The following TENT4B variants were observed in gnomAD, a reference collection of about 807,000 sequenced individuals.
TENT4B encodes PAP associated domain containing 5.
In TENT4B, 10 loss-of-function variants were observed where a neutral mutation model predicts 75.0. The observed-to-expected ratio is 0.13, with a 90% CI of 0.08 to 0.23. The LOEUF (loss-of-function observed/expected upper bound fraction) is 0.23, where lower values mean the gene tolerates loss of function less well. TENT4B is among the 10% of genes least tolerant of loss of function. TENT4B has a pLI of 1.00. For missense variants in TENT4B, 579 were observed against 893.8 expected, an observed-to-expected ratio of 0.65 and a Z score of 4.49; for synonymous variants, 350 against 357.7, an observed-to-expected ratio of 0.98 and a Z score of 0.24.
Position 50,154,018 on chromosome 16 carries a change from C to T in TENT4B, c.397C>T (p.Pro133Ser). 1.3e-6 allele frequency: 2 copies of T among 1,533,486 alleles called. No homozygotes were observed. Among genetic ancestry groups the T allele is most frequent in the Non-Finnish European group, 1.7e-6 (2 of 1,145,758 alleles). 95.0% of individuals were successfully genotyped at this position (1,533,486 alleles called of 1,614,324 possible). ...RRAGSSASSP[P>S]SASSSPHPSA... ...GGCGGGCTCCTCGGCGTCCTCGCCT[C>T]CCTCGGCGTCCTCGTCCCCGCACCC... The change falls in exon 1 of 12, where the codon CCC becomes TCC. Residue 133 changes from proline (P) to serine (S), a missense_variant. Pro to Ser is a moderately conservative substitution (Grantham distance 74). This residue lies in a region of TENT4B where 253 missense variants were observed against 270.1 expected (regional missense o/e 0.94). Transcript: ENST00000561678.
intron 1 of TENT4B, among the ~76,000 whole-genome samples, chr16:50,155,311 G>GTGTGTGTGTA (rs1208657414): frequency 6.6e-6 from 1 of 151,526 alleles, no homozygotes; most frequent in Admixed American, 6.6e-5. Context: ...GTGTGTGTGT[G>GTGTGTGTGTA]TAGCTTGAGT....
At chr16:50,201,161 C>T (rs1357235883) in intron 1 of TENT4B, among the ~76,000 whole-genome samples, 1 of 152,162 alleles carries the variant, frequency 6.6e-6, no homozygotes, top group East Asian at 1.9e-4. Context: ...AGTCAGTCTA[C>T]ATTTGTACAC....
rs2031995215 is a variant in TENT4B at position 50,225,202 on chromosome 16, G to GAATCTCTTAGTA, written c.1720_1731dup (p.Ser574_Lys577dup). On this transcript the variant is annotated inframe_insertion, in exon 10 of 12. Transcript: ENST00000561678. ...TGGAAAATGTAGAAGTAAAACCTCGGAATCTCTTAGTAAACACTCTTCAAA... is the reference window on the plus strand; with the variant it reads ...TGGAAAATGTAGAAGTAAAACCTCGGAATCTCTTAGTAAATCTCTTAGTAAACACTCTTCAAA... The GAATCTCTTAGTA allele has an allele frequency of 6.2e-7, 1 of 1,613,860 alleles. No homozygotes were observed. Among genetic ancestry groups the GAATCTCTTAGTA allele is most frequent in the Admixed American group, 1.7e-5 (1 of 59,998 alleles).
At chr16:50,192,710 G>A (rs1017052082) in intron 1 of TENT4B, among the ~76,000 whole-genome samples, 2 of 152,158 alleles carry the variant, frequency 1.3e-5, no homozygotes, top group African/African-American at 4.8e-5. Context: ...TAATAAAACT[G>A]TGTACACTGT....
intron 1 of TENT4B, among the ~76,000 whole-genome samples, chr16:50,206,469 T>C (rs577768110): frequency 4.1e-4 from 62 of 151,720 alleles, no homozygotes; most frequent in African/African-American, 1.5e-3. Flanking sequence ...AGTTCCTTCA[T>C]GTAAGGGATG....
intron 1 of TENT4B, among the ~76,000 whole-genome samples, chr16:50,155,724 A>G (rs1037873759): frequency 1.3e-5 from 2 of 152,154 alleles, no homozygotes; most frequent in African/African-American, 4.8e-5. Context: ...ATCACGTTTT[A>G]TTAAAGGCTT....
intron 1 of TENT4B, among the ~76,000 whole-genome samples, chr16:50,189,234 A>G (rs1198742450): frequency 6.6e-6 from 1 of 152,014 alleles, no homozygotes; most frequent in Non-Finnish European, 1.5e-5. Flanking sequence ...CTTTTACCAC[A>G]TTAGTTTTTT....
chr16:50,217,757 G>GCTCTCTCTCT, intron 5 of TENT4B, 94 bp downstream of exon 5: 2 of 482,188 alleles, frequency 4.1e-6, no homozygotes, highest in Non-Finnish European at 6.6e-6. Context: ...TATGCATGTT[G>GCTCTCTCTCT]CTGTCTCTCT....
At chr16:50,227,750 A>G in intron 10 of TENT4B, 89 bp from the exon 11 acceptor site, 1 of 1,411,064 alleles carries the variant, frequency 7.1e-7, no homozygotes, top group Non-Finnish European at 9.9e-7. Context: ...TAGTCCAGAG[A>G]GTACTTTAAC....
intron 1 of TENT4B, among the ~76,000 whole-genome samples, chr16:50,177,471 T>C (rs1437505848): frequency 6.6e-6 from 1 of 152,190 alleles, no homozygotes; most frequent in African/African-American, 2.4e-5. Flanking sequence ...ATTGTGTCTT[T>C]CAAGAAATTG....
Position 50,232,066 on chromosome 16 carries a change from G to A in TENT4B, c.*2738G>A. On this transcript the variant is annotated 3_prime_UTR_variant, in exon 12 of 12. Coordinates refer to ENST00000561678, the MANE Select transcript of TENT4B (RefSeq NM_001365324.3). ...CTCAGGCAGTCATGTATGTGTACCT[G>A]GCCATTAGAAATATTAATATTTAAA... is the stretch of plus-strand genomic sequence containing the variant. 1.0e-6 allele frequency: 1 copy of A among 985,300 alleles called. No homozygotes were observed. Among genetic ancestry groups the A allele is most frequent in the Middle Eastern group, 5.2e-4 (1 of 1,914 alleles). 61.0% of individuals were successfully genotyped at this position (985,300 alleles called of 1,614,324 possible).
At chr16:50,188,033 C>G (rs1379163470) in intron 1 of TENT4B, among the ~76,000 whole-genome samples, 3 of 152,078 alleles carry the variant, frequency 2.0e-5, no homozygotes, top group African/African-American at 7.2e-5. Context: ...GCCTGCAGTG[C>G]TGAGATGACA....
chr16:50,153,060 C>T, upstream of TENT4B: 3 of 1,465,832 alleles, frequency 2.0e-6, no homozygotes, highest in Non-Finnish European at 2.7e-6. Flanking sequence ...ACAGATGGCG[C>T]AAGTACGGTT....
At position 50,214,350 on chromosome 16, in the gene TENT4B, A is replaced by G. The variant is rs2031440268; in HGVS notation, c.809+83A>G. ...GTCAAATTTGTAAGGAGTAGAAACA[A>G]AACAAATTTATAAAACAAAATGGGG... On this transcript the variant is annotated intron_variant, in intron 3 of 11. Transcript: ENST00000561678. 10 of 1,132,612 alleles carry G rather than the reference A, an allele frequency of 8.8e-6. No individual in the cohort carries two copies. In the South Asian group the frequency reaches 1.3e-4, roughly 14 times the overall value. 70.2% of individuals were successfully genotyped at this position (1,132,612 alleles called of 1,614,324 possible). A position where few individuals can be genotyped will look rare whatever the true frequency, so the allele number is the denominator to read the frequency against.
chr16:50,234,766 A>G lies in TENT4B; in HGVS notation c.*5438A>G. On this transcript the variant is annotated 3_prime_UTR_variant, in exon 12 of 12. Transcript: ENST00000561678. ...CTTAACACACATTGTTATGGGTGAA[A>G]AGTGAGGGACGACCAGTGTAGTTTC... 2.0e-6 allele frequency: 2 copies of G among 985,460 alleles called. No individual in the cohort carries two copies. The highest frequency in any genetic ancestry group is 2.4e-6 in the Non-Finnish European group (2 of 829,936). The allele number at this position is 985,460 out of a possible 1,614,324, so 61.0% of individuals were successfully genotyped here. A position where few individuals can be genotyped will look rare whatever the true frequency, so the allele number is the denominator to read the frequency against.
chr16:50,177,617 C>CT (rs1227440673), intron 1 of TENT4B, among the ~76,000 whole-genome samples: 4 of 151,706 alleles, frequency 2.6e-5, no homozygotes, highest in Admixed American at 2.0e-4. Context: ...TGTCTTTGCC[C>CT]TTTTTTTTCT....
intron 5 of TENT4B, among the ~76,000 whole-genome samples, chr16:50,219,095 T>G (rs369665147): frequency 9.5e-4 from 144 of 151,118 alleles, no homozygotes; most frequent in African/African-American, 1.5e-3. Flanking sequence ...ATATTGGGGG[T>G]GTGTGTGTGT....
intron 1 of TENT4B, among the ~76,000 whole-genome samples, chr16:50,169,628 T>G (rs1013016990): frequency 6.6e-6 from 1 of 152,116 alleles, no homozygotes; most frequent in Non-Finnish European, 1.5e-5. Flanking sequence ...TTGGTTGTCT[T>G]GAGGGTTTGC....
chr16:50,228,957 ATAAAG>A (rs2032176525), intron 11 of TENT4B, among the ~76,000 whole-genome samples, 190 bp from the exon 12 acceptor site: 1 of 152,206 alleles, frequency 6.6e-6, no homozygotes, highest in Non-Finnish European at 1.5e-5. Context: ...TTCCATTAAA[ATAAAG>A]TAAGGGTTTT....
Sources: gnomAD v4.1 joint callset for allele counts (sites outside exome capture counted in the v4.1 genomes callset) on GRCh38, gnomAD v4.1.1 for gene constraint, gnomAD v4.1.1 regional missense constraint, MANE v1.5 for transcripts, NCBI Gene and HGNC (gene_info 2026-07-23, HGNC 2026-07-21) for gene names.